TMOD2: variants seen among roughly 807,000 people sequenced by gnomAD.
TMOD2 encodes the protein tropomodulin 2, also known as tropomodulin-2.
A neutral mutation model predicts 39.9 loss-of-function variants in TMOD2; 22 were observed. The ratio of observed to expected loss-of-function variants is 0.55; its 90% confidence interval spans 0.39 to 0.79. TMOD2 has a LOEUF of 0.79. Among genes scored for constraint, TMOD2 ranks in the 30% least tolerant of loss-of-function variants. TMOD2 has a pLI of 0.00. For missense variants in TMOD2, 386 were observed against 413.3 expected (o/e 0.93, Z 0.57); for synonymous variants, 123 against 146.1 (o/e 0.84, Z 1.14).
chr15:51,806,311 C>T (rs1279037951), intron 8 of TMOD2, 66 bp from the exon 9 acceptor site: 3 of 1,577,018 alleles, frequency 1.9e-6, no homozygotes, highest in African/African-American at 1.4e-5. Context: ...TGTCTTTTTC[C>T]TGTGCAAGTA....
intron 7 of TMOD2, among the ~76,000 whole-genome samples, chr15:51,787,028 C>T (rs557386615): frequency 3.4e-4 from 52 of 152,356 alleles, no homozygotes; most frequent in African/African-American, 1.1e-3. Flanking sequence ...CGGGGCATCA[C>T]CTCACCCGGG....
intron 5 of TMOD2, among the ~76,000 whole-genome samples, chr15:51,777,896 A>AAACTAGTTCAACCATTGT (rs1324796964): frequency 1.3e-5 from 2 of 152,132 alleles, no homozygotes; most frequent in East Asian, 3.9e-4. Context: ...GTGGGACTAT[A>AAACTAGTTCAACCATTGT]AACTAGTTCA....
At position 51,806,538 on chromosome 15, in the gene TMOD2, A is replaced by G. The variant is rs1376218316; in HGVS notation, c.1021+17A>G. The G allele has an allele frequency of 6.2e-7, 1 of 1,613,884 alleles. No homozygotes were observed. Among genetic ancestry groups the G allele is most frequent in the East Asian group, 2.2e-5 (1 of 44,882 alleles). ...ATGACCTGGGTAATTCAGCCATAAT[A>G]TTTGCTGTTAACAATTAGAAGAGCA... On this transcript the variant is annotated intron_variant, in intron 9 of 9. Coordinates refer to ENST00000249700, the MANE Select transcript of TMOD2 (RefSeq NM_014548.4).
chr15:51,773,595 A>G, intron 3 of TMOD2, 117 bp from the exon 4 acceptor site: 7 of 1,006,744 alleles, frequency 7.0e-6, no homozygotes, highest in Non-Finnish European at 9.9e-6. Flanking sequence ...TCGGTTGGAT[A>G]TGAACTGGCT....
At chr15:51,765,987 A>G (rs16964508) in intron 1 of TMOD2, among the ~76,000 whole-genome samples, 4,825 of 152,262 alleles carry the variant, frequency 0.032, 122 homozygotes, top group Non-Finnish European at 0.05. Flanking sequence ...CTGTTTTTCT[A>G]TGGAGAGCCA....
chr15:51,771,016 G>A (rs1045979700), intron 3 of TMOD2, among the ~76,000 whole-genome samples: 2 of 152,170 alleles, frequency 1.3e-5, no homozygotes, highest in African/African-American at 2.4e-5. Context: ...GTTATCTTTT[G>A]TTCTTAGTGT....
At chr15:51,789,281 A>G (rs2055992901) in intron 7 of TMOD2, among the ~76,000 whole-genome samples, 1 of 152,236 alleles carries the variant, frequency 6.6e-6, no homozygotes, top group Non-Finnish European at 1.5e-5. Context: ...ACATAATGGT[A>G]AAGGGATCAA....
At chr15:51,761,153 C>T (rs373493635) in intron 1 of TMOD2, among the ~76,000 whole-genome samples, 14 of 152,082 alleles carry the variant, frequency 9.2e-5, no homozygotes, top group African/African-American at 2.2e-4. Flanking sequence ...TTCTGGGTAG[C>T]TTACAGGGAA....
rs971708462 is a variant in TMOD2, at chr15:51,764,995, G to C, written c.-69-1378G>C. ...TAAGCTGTGATCTTGGGGAGAGGGG[G>C]CATTTTGATAAATATAATTTTTTTT... On this transcript the variant is annotated intron_variant, in intron 1 of 9. Transcript: ENST00000249700. Among the ~76,000 whole-genome samples, 4 of 151,908 alleles carry C rather than the reference G, an allele frequency of 2.6e-5. No individual in the cohort carries two copies. The East Asian group carries it at 7.8e-4, about 29-fold the overall frequency.
intron 5 of TMOD2, among the ~76,000 whole-genome samples, chr15:51,777,404 A>G (rs1245361589): frequency 6.6e-6 from 1 of 152,216 alleles, no homozygotes; most frequent in Non-Finnish European, 1.5e-5. Context: ...AGTAGCTTAA[A>G]TAAGTTCCCT....
At chr15:51,786,344 A>C (rs143304999) in intron 7 of TMOD2, among the ~76,000 whole-genome samples, 1 of 152,192 alleles carries the variant, frequency 6.6e-6, no homozygotes, top group East Asian at 1.9e-4. Flanking sequence ...CATTTTTAGC[A>C]TTCAAACATG....
intron 1 of TMOD2, among the ~76,000 whole-genome samples, chr15:51,753,694 A>G (rs1425654608): frequency 6.6e-6 from 1 of 151,510 alleles, no homozygotes; most frequent in Non-Finnish European, 1.5e-5. Flanking sequence ...GACAATCCTT[A>G]TTCTTTGGAG....
rs573623214 is a variant in TMOD2, at chr15:51,766,485, T to C, written c.44T>C (p.Ile15Thr). 14 of 1,613,992 alleles carry C rather than the reference T, an allele frequency of 8.7e-6. No individual in the cohort carries two copies. The South Asian group carries it at 1.2e-4, about 14-fold the overall frequency. The change falls in exon 2 of 10, where the codon ATT (isoleucine) becomes ACT (threonine). Residue 15 changes from isoleucine (I) to threonine (T), a missense_variant. Transcript: ENST00000249700. The stretch of plus-strand genomic sequence containing the variant: ...AAAGAGCTGGAGAAATACAAGAACA[T>C]TGATGAAGATGAGCTTCTTGGCAAA... ...FQKELEKYKN[I>T]DEDELLGKLS...
rs748534997 is a variant in TMOD2, at chr15:51,813,841, A to G, written c.*5387A>G. On this transcript the variant is annotated 3_prime_UTR_variant, in exon 10 of 10. Transcript: ENST00000249700. ...TATATAAACTGGAAAGCGCCGTACA[A>G]ATGTGAGAGATCAGTTTTATTATCA... 1.3e-5 allele frequency: 2 copies of G among 152,242 alleles called. No homozygotes were observed. The highest frequency in any genetic ancestry group is 2.9e-5 in the Non-Finnish European group (2 of 68,046). The allele number at this position is 152,242 out of a possible 1,614,324, so 9.4% of individuals were successfully genotyped here. A position where few individuals can be genotyped will look rare whatever the true frequency, so the allele number is the denominator to read the frequency against.
intron 5 of TMOD2, among the ~76,000 whole-genome samples, 191 bp downstream of exon 5, chr15:51,777,209 A>G (rs2055895716): frequency 6.6e-6 from 1 of 152,210 alleles, no homozygotes; most frequent in South Asian, 2.1e-4. Context: ...ACTAGTACAA[A>G]TCAGTGTGTG....
chr15:51,808,347 A>T, intron 9 of TMOD2, 73 bp from the exon 10 acceptor site: 56 of 1,238,680 alleles, frequency 4.5e-5, no homozygotes, highest in Non-Finnish European at 6.6e-5. Context: ...ATCTTATGTG[A>T]TTAATGTTGT....
In TMOD2 at chr15:51,812,127, C is replaced by G. The variant is rs1236015353; in HGVS notation, c.*3673C>G. The G allele has an allele frequency of 6.7e-6, 1 of 149,870 alleles. No individual in the cohort carries two copies. The highest frequency in any genetic ancestry group is 2.5e-5 in the African/African-American group (1 of 40,684). 9.3% of individuals were successfully genotyped at this position (149,870 alleles called of 1,614,324 possible). On this transcript the variant is annotated 3_prime_UTR_variant, in exon 10 of 10. Coordinates refer to ENST00000249700, the MANE Select transcript of TMOD2 (RefSeq NM_014548.4). ...CCAGCCCTGCTTCCCTCGTCCCTGTCCAAGTTGCTGCAGGCCCAGGTTAGA... is the reference window on the plus strand; with the variant it reads ...CCAGCCCTGCTTCCCTCGTCCCTGTGCAAGTTGCTGCAGGCCCAGGTTAGA...
At chr15:51,777,894 A>G (rs963254763) in intron 5 of TMOD2, among the ~76,000 whole-genome samples, 3 of 152,174 alleles carry the variant, frequency 2.0e-5, no homozygotes, top group South Asian at 2.1e-4. Flanking sequence ...TGGTGGGACT[A>G]TAAACTAGTT....
At chr15:51,786,191 A>G (rs1245483047) in intron 7 of TMOD2, among the ~76,000 whole-genome samples, 1 of 151,142 alleles carries the variant, frequency 6.6e-6, no homozygotes, top group African/African-American at 2.4e-5. Flanking sequence ...TCCCCTCCTC[A>G]CTCCCCGAAT....
Sources: gnomAD v4.1 joint callset for allele counts (sites outside exome capture counted in the v4.1 genomes callset) on GRCh38, gnomAD v4.1.1 for gene constraint, MANE v1.5 for transcripts, NCBI Gene and HGNC (gene_info 2026-07-23, HGNC 2026-07-21) for gene names.